The following SLC35F2 variants were observed in gnomAD, a reference collection of about 807,000 sequenced individuals.
SLC35F2 encodes solute carrier family 35 member F2.
SLC35F2 carries 25 observed loss-of-function variants against 38.1 expected under a neutral mutation model. That is an observed-to-expected ratio of 0.66 (90% confidence interval 0.48 to 0.92). SLC35F2 has a LOEUF of 0.92. Among genes scored for constraint, SLC35F2 ranks in the 40% least tolerant of loss-of-function variants. SLC35F2 has a pLI of 0.00. For synonymous variants in SLC35F2, 173 were observed against 181.7 expected (o/e 0.95, Z 0.38); for missense variants, 409 against 452.9 (o/e 0.90, Z 0.88).
intron 1 of SLC35F2, among the ~76,000 whole-genome samples, chr11:107,854,954 C>G (rs986603026): frequency 6.6e-6 from 1 of 152,126 alleles, no homozygotes; most frequent in Non-Finnish European, 1.5e-5. Context: ...GTTCCCTGGC[C>G]ACAGGTGGGG....
intron 2 of SLC35F2, among the ~76,000 whole-genome samples, chr11:107,814,455 G>A (rs1026785023): frequency 4.8e-5 from 7 of 145,994 alleles, no homozygotes; most frequent in African/African-American, 1.8e-4. Context: ...GCAAGACTCT[G>A]CCTCAAAAAA....
At chr11:107,850,685 G>C (rs1394868780) in intron 1 of SLC35F2, among the ~76,000 whole-genome samples, 1 of 151,576 alleles carries the variant, frequency 6.6e-6, no homozygotes, top group Non-Finnish European at 1.5e-5. Flanking sequence ...AGCCGAACGT[G>C]GTGGCAGGTG....
At chr11:107,854,238 C>G (rs1339966911) in intron 1 of SLC35F2, among the ~76,000 whole-genome samples, 1 of 151,112 alleles carries the variant, frequency 6.6e-6, no homozygotes, top group South Asian at 2.1e-4. Flanking sequence ...TTGAGACCAG[C>G]CTGGGCAACA....
At chr11:107,833,511 T>C (rs1859883056) in intron 1 of SLC35F2, among the ~76,000 whole-genome samples, 1 of 121,548 alleles carries the variant, frequency 8.2e-6, no homozygotes. Flanking sequence ...AGAGTGAGAC[T>C]CTGTCTCAAA....
At chr11:107,813,210 T>A (rs927260140) in intron 2 of SLC35F2, among the ~76,000 whole-genome samples, 5 of 152,130 alleles carry the variant, frequency 3.3e-5, no homozygotes, top group Non-Finnish European at 7.4e-5. Context: ...ATTGGGAGGC[T>A]GAGGTGGGCA....
intron 1 of SLC35F2, among the ~76,000 whole-genome samples, chr11:107,851,509 G>T (rs1428787442): frequency 6.8e-6 from 1 of 146,792 alleles, no homozygotes; most frequent in African/African-American, 2.5e-5. Flanking sequence ...AAAGGCTGAG[G>T]TTGAGAAACA....
intron 3 of SLC35F2, chr11:107,810,274 A>C (rs1262500855): frequency 2.0e-6 from 2 of 985,316 alleles, no homozygotes. Flanking sequence ...GCTAGCGTGA[A>C]AGAAATTGTT....
chr11:107,815,389 TAAA>T (rs1555083773), intron 2 of SLC35F2, among the ~76,000 whole-genome samples: 3 of 95,398 alleles, frequency 3.1e-5, no homozygotes, highest in South Asian at 3.2e-4. Context: ...ATCTCTAAAA[TAAA>T]AAAAAAAAAA....
chr11:107,803,970 C>T (rs1018419927), intron 6 of SLC35F2, among the ~76,000 whole-genome samples: 14 of 151,160 alleles, frequency 9.3e-5, no homozygotes, highest in Non-Finnish European at 1.8e-4. Flanking sequence ...AGATTATAGG[C>T]GCCCGCCACC....
Position 107,797,157 on chromosome 11 carries a change from T to A in SLC35F2, c.940-4357A>T, listed in dbSNP as rs577824367. ...AAATGTCTTATGTATCCCATAAATA[T>A]GTATAAATATTTGTATCAATAAAAA... is the stretch of plus-strand genomic sequence containing the variant. On this transcript the variant is annotated intron_variant, in intron 7 of 7. Coordinates refer to ENST00000525815, the MANE Select transcript of SLC35F2 (RefSeq NM_017515.5). 3.9e-5 allele frequency among the ~76,000 whole-genome samples: 6 copies of A among 152,230 alleles called. No homozygotes were observed. In the South Asian group the frequency reaches 1.2e-3, roughly 32 times the overall value.
chr11:107,851,489 T>TAAA (rs34329358), intron 1 of SLC35F2, among the ~76,000 whole-genome samples: 7 of 124,728 alleles, frequency 5.6e-5, no homozygotes, highest in South Asian at 2.8e-4. Flanking sequence ...AAAAATAAAT[T>TAAA]AAAAAAAAAA....
intron 1 of SLC35F2, among the ~76,000 whole-genome samples, chr11:107,826,753 G>T (rs1240503783): frequency 6.6e-6 from 1 of 152,014 alleles, no homozygotes; most frequent in Non-Finnish European, 1.5e-5. Flanking sequence ...TTAAAAATTG[G>T]TAGCAAAACC....
At chr11:107,796,993 G>A (rs554495258) in intron 7 of SLC35F2, among the ~76,000 whole-genome samples, 3 of 152,190 alleles carry the variant, frequency 2.0e-5, no homozygotes, top group South Asian at 2.1e-4. Flanking sequence ...TGTTTAATGG[G>A]TACAAACATT....
chr11:107,837,146 T>C (rs1331912025), intron 1 of SLC35F2, among the ~76,000 whole-genome samples: 1 of 152,160 alleles, frequency 6.6e-6, no homozygotes, highest in African/African-American at 2.4e-5. Flanking sequence ...CCATGTGACT[T>C]AGTGAAGAAC....
intron 1 of SLC35F2, among the ~76,000 whole-genome samples, chr11:107,834,742 G>T (rs540784491): frequency 5.9e-5 from 9 of 152,212 alleles, no homozygotes; most frequent in African/African-American, 2.2e-4. Flanking sequence ...CTCTATAAAT[G>T]CCCAAACTTT....
chr11:107,792,493 A>ACTGGATCCAACCCAGGGTTGT lies in SLC35F2; in HGVS notation c.*101_*121dup. 1 of 1,169,300 alleles carries ACTGGATCCAACCCAGGGTTGT rather than the reference A, an allele frequency of 8.6e-7. No homozygotes were observed. Among genetic ancestry groups the ACTGGATCCAACCCAGGGTTGT allele is most frequent in the Non-Finnish European group, 1.2e-6 (1 of 861,100 alleles). The allele number at this position is 1,169,300 out of a possible 1,614,324, so 72.4% of individuals were successfully genotyped here. A position where few individuals can be genotyped will look rare whatever the true frequency, so the allele number is the denominator to read the frequency against. ...CAGTGTTCCTTTCTAAAACCTAACC[A>ACTGGATCCAACCCAGGGTTGT]CTGGATCCAACCCAGGGTTGTAGAG... On this transcript the variant is annotated 3_prime_UTR_variant, in exon 8 of 8. Transcript: ENST00000525815.
chr11:107,821,753 G>T (rs1482172219), intron 1 of SLC35F2, among the ~76,000 whole-genome samples: 1 of 152,064 alleles, frequency 6.6e-6, no homozygotes, highest in East Asian at 1.9e-4. Flanking sequence ...AACTTCAATG[G>T]CAGGATATGA....
intron 1 of SLC35F2, among the ~76,000 whole-genome samples, chr11:107,842,305 T>G (rs933733121): frequency 6.3e-5 from 9 of 142,422 alleles, no homozygotes; most frequent in Non-Finnish European, 1.4e-4. Context: ...GACTGGAAGT[T>G]GTTTTACAGG....
At chr11:107,800,903 CTTTTTT>C (rs71303238) in intron 7 of SLC35F2, among the ~76,000 whole-genome samples, 33 of 126,166 alleles carry the variant, frequency 2.6e-4, no homozygotes, top group Admixed American at 8.4e-4. Context: ...GCTATTACTA[CTTTTTT>C]TTTTTTTTTT....
Sources: allele counts gnomAD v4.1 joint callset (sites outside exome capture counted in the v4.1 genomes callset), GRCh38; gene constraint gnomAD v4.1.1; transcripts MANE v1.5; gene names NCBI Gene and HGNC (gene_info 2026-07-23, HGNC 2026-07-21).